The following FBXO4 variants were observed in gnomAD, a reference collection of about 807,000 sequenced individuals.
FBXO4 encodes the protein F-box only protein 4.
A neutral mutation model predicts 43.7 loss-of-function variants in FBXO4; 36 were observed. The ratio of observed to expected loss-of-function variants is 0.82; its 90% CI spans 0.63 to 1.09. The LOEUF is 1.09. FBXO4 is among the 50% of genes least tolerant of loss of function. FBXO4 has a pLI of 0.00. For synonymous variants in FBXO4, 180 were observed against 165.6 expected (o/e 1.09, Z -0.67); for missense variants, 435 against 474.1 (o/e 0.92, Z 0.77).
chr5:41,973,954 T>C, the FBXO4 span, among the ~76,000 whole-genome samples: 1 of 152,224 alleles, frequency 6.6e-6, no homozygotes, highest in Non-Finnish European at 1.5e-5. Flanking sequence ...TTGTTTATTT[T>C]AGAAAGTCTT....
chr5:42,002,033 A>G, the FBXO4 span, among the ~76,000 whole-genome samples: 1 of 152,320 alleles, frequency 6.6e-6, no homozygotes. Flanking sequence ...GTTTGTGTTT[A>G]GAAACATGAC....
At chr5:41,984,241 TA>T in the FBXO4 span, among the ~76,000 whole-genome samples, 3 of 152,212 alleles carry the variant, frequency 2.0e-5, no homozygotes, top group Non-Finnish European at 4.4e-5. Context: ...TTTGTGTTTT[TA>T]TAAGTATTTT....
the FBXO4 span, chr5:41,967,576 A>G: frequency 4.5e-6 from 5 of 1,118,894 alleles, no homozygotes; most frequent in Non-Finnish European, 6.6e-6. Flanking sequence ...TAGGCATTAC[A>G]ACATTTTTTG....
the FBXO4 span, among the ~76,000 whole-genome samples, chr5:42,030,925 T>G: frequency 6.6e-6 from 1 of 152,162 alleles, no homozygotes; most frequent in African/African-American, 2.4e-5. Context: ...CTCACACCAG[T>G]TAGAATGGCA....
downstream of FBXO4, among the ~76,000 whole-genome samples, chr5:41,945,422 A>AC (rs1177367479): frequency 6.6e-6 from 1 of 152,206 alleles, no homozygotes; most frequent in East Asian, 1.9e-4. Context: ...TTGTAGGGAG[A>AC]CCCCCTGAAA....
At chr5:41,986,790 T>G in the FBXO4 span, among the ~76,000 whole-genome samples, 1 of 152,146 alleles carries the variant, frequency 6.6e-6, no homozygotes, top group Non-Finnish European at 1.5e-5. Context: ...AGAAGGTTTG[T>G]GAATCCTCGA....
the FBXO4 span, among the ~76,000 whole-genome samples, chr5:41,956,667 T>G: frequency 6.6e-6 from 1 of 151,748 alleles, no homozygotes; most frequent in African/African-American, 2.4e-5. Flanking sequence ...TGATAAGAAG[T>G]CAGCTGTCAT....
At chr5:41,939,356 C>G in intron 5 of FBXO4, 85 bp from the exon 6 acceptor site, 1 of 1,263,976 alleles carries the variant, frequency 7.9e-7, no homozygotes, top group Non-Finnish European at 1.1e-6. Flanking sequence ...AATTTTTGTT[C>G]CCTCGCTTTG....
chr5:42,019,558 C>T, the FBXO4 span, among the ~76,000 whole-genome samples: 1 of 151,870 alleles, frequency 6.6e-6, no homozygotes, highest in Non-Finnish European at 1.5e-5. Flanking sequence ...TGTGGTGGCA[C>T]ACGCCTGTAG....
chr5:42,022,395 T>C, the FBXO4 span, among the ~76,000 whole-genome samples: 4 of 152,146 alleles, frequency 2.6e-5, no homozygotes, highest in Non-Finnish European at 5.9e-5. Flanking sequence ...TTCAGCTTTA[T>C]TTATATGAAA....
At chr5:42,025,320 C>A in the FBXO4 span, among the ~76,000 whole-genome samples, 2 of 151,886 alleles carry the variant, frequency 1.3e-5, no homozygotes, top group Non-Finnish European at 2.9e-5. Context: ...TGTTGAGCAC[C>A]TTTTCATATG....
At chr5:41,966,332 A>G in the FBXO4 span, among the ~76,000 whole-genome samples, 1 of 152,214 alleles carries the variant, frequency 6.6e-6, no homozygotes, top group Non-Finnish European at 1.5e-5. Flanking sequence ...AATTAAAAAA[A>G]AGATACACCA....
chr5:42,020,747 G>A, the FBXO4 span, among the ~76,000 whole-genome samples: 8 of 152,164 alleles, frequency 5.3e-5, no homozygotes, highest in Non-Finnish European at 1.2e-4. Context: ...GGCCAGAACC[G>A]GCAGTATGGC....
At chr5:41,998,959 T>A in the FBXO4 span, among the ~76,000 whole-genome samples, 1 of 152,116 alleles carries the variant, frequency 6.6e-6, no homozygotes, top group African/African-American at 2.4e-5. Context: ...CTTTCATCAC[T>A]TTCTCCACTG....
the FBXO4 span, among the ~76,000 whole-genome samples, chr5:42,032,928 A>G: frequency 6.6e-6 from 1 of 152,074 alleles, no homozygotes; most frequent in Non-Finnish European, 1.5e-5. Flanking sequence ...TCAGTGTCCA[A>G]GGGCTCTTCA....
At chr5:42,028,457 T>C in the FBXO4 span, among the ~76,000 whole-genome samples, 1 of 151,716 alleles carries the variant, frequency 6.6e-6, no homozygotes, top group Non-Finnish European at 1.5e-5. Flanking sequence ...GATCAATCGG[T>C]CTTTCTTTTT....
the FBXO4 span, among the ~76,000 whole-genome samples, chr5:42,017,730 A>G: frequency 2.0e-5 from 3 of 151,790 alleles, no homozygotes; most frequent in Admixed American, 6.6e-5. Context: ...ACTTAGGGTA[A>G]TGGCCTCCAG....
chr5:42,013,637 T>A, the FBXO4 span, among the ~76,000 whole-genome samples: 2 of 152,274 alleles, frequency 1.3e-5, no homozygotes, highest in Non-Finnish European at 2.9e-5. Context: ...AATCATCCAA[T>A]CCGGACAGAT....
chr5:42,003,875 G>T, the FBXO4 span, among the ~76,000 whole-genome samples: 9 of 152,140 alleles, frequency 5.9e-5, no homozygotes, highest in East Asian at 7.7e-4. Flanking sequence ...CCATTACTGG[G>T]TATATACCCA....
Sources: gnomAD v4.1 joint callset for allele counts (sites outside exome capture counted in the v4.1 genomes callset) on GRCh38, gnomAD v4.1.1 for gene constraint, MANE v1.5 for transcripts, NCBI Gene and HGNC (gene_info 2026-07-23, HGNC 2026-07-21) for gene names.